RIT2: variants seen among roughly 807,000 people sequenced by gnomAD.
RIT2 encodes the protein Ras like without CAAX 2.
In RIT2, 24 loss-of-function variants were observed where a neutral mutation model predicts 23.7. That is an observed-to-expected ratio of 1.01 (90% CI 0.73 to 1.43). The LOEUF (loss-of-function observed/expected upper bound fraction) is 1.43, where lower values mean the gene tolerates loss of function less well. Ranked by LOEUF, RIT2 falls within the 40% of genes most tolerant of loss-of-function variation. RIT2 has a pLI of 0.00. For synonymous variants in RIT2, 107 were observed against 91.1 expected (o/e 1.17, Z -0.99); for missense variants, 236 against 266.9 (o/e 0.88, Z 0.81).
At position 42,999,701 on chromosome 18, in the gene RIT2, A is replaced by C. The variant is rs190946079; in HGVS notation, c.161-25554T>G. ...ATTGAGGATTTTATCAGGACACTTGAAGGTTTTAATTTCATGATTTTCAAA... is the reference window on the plus strand; with the variant it reads ...ATTGAGGATTTTATCAGGACACTTGCAGGTTTTAATTTCATGATTTTCAAA... On this transcript the variant is annotated intron_variant, in intron 2 of 4. Coordinates refer to ENST00000326695, the MANE Select transcript of RIT2 (RefSeq NM_002930.4). Among the ~76,000 whole-genome samples the C allele has an allele frequency of 3.4e-4, 51 of 152,184 alleles. 1 individual carries two copies. The highest frequency in any genetic ancestry group is 2.5e-3 in the Admixed American group (38 of 15,274).
intron 2 of RIT2, among the ~76,000 whole-genome samples, chr18:42,993,544 A>C (rs910419396): frequency 6.6e-6 from 1 of 152,082 alleles, no homozygotes; most frequent in Non-Finnish European, 1.5e-5. Flanking sequence ...CAGGCTTCTA[A>C]ACTTCTTAAA....
intron 1 of RIT2, among the ~76,000 whole-genome samples, chr18:43,100,584 G>A (rs765268069): frequency 3.9e-5 from 6 of 152,192 alleles, no homozygotes; most frequent in African/African-American, 1.2e-4. Context: ...ATAGATACAG[G>A]AAAAAGAGGA....
At chr18:42,973,407 T>G (rs1223917869) in intron 3 of RIT2, among the ~76,000 whole-genome samples, 1 of 151,906 alleles carries the variant, frequency 6.6e-6, no homozygotes. Flanking sequence ...ATATATGAGT[T>G]TATATTTTTA....
intron 1 of RIT2, among the ~76,000 whole-genome samples, chr18:43,035,422 C>T (rs1291058823): frequency 6.6e-6 from 1 of 152,104 alleles, no homozygotes; most frequent in Non-Finnish European, 1.5e-5. Flanking sequence ...AAATGCTTTT[C>T]CTGAGTTTTA....
intron 3 of RIT2, among the ~76,000 whole-genome samples, chr18:42,952,525 T>G (rs1285975838): frequency 6.6e-6 from 1 of 152,032 alleles, no homozygotes; most frequent in African/African-American, 2.4e-5. Context: ...AGGGTAAATT[T>G]TACATTAAGT....
chr18:42,801,440 C>G (rs549279173), intron 4 of RIT2, among the ~76,000 whole-genome samples: 3 of 152,310 alleles, frequency 2.0e-5, no homozygotes, highest in African/African-American at 7.2e-5. Flanking sequence ...TGAAGTCTAA[C>G]TGGAAATACC....
Position 42,836,456 on chromosome 18 carries a change from G to A in RIT2, c.426+87116C>T, listed in dbSNP as rs1361383448. 4.6e-5 allele frequency among the ~76,000 whole-genome samples: 7 copies of A among 152,018 alleles called. No homozygotes were observed. In the South Asian group the frequency reaches 6.2e-4, roughly 14 times the overall value. On this transcript the variant is annotated intron_variant, in intron 4 of 4. Coordinates refer to ENST00000326695, the MANE Select transcript of RIT2 (RefSeq NM_002930.4). ...ACTAGAAAGCAGCATGAAAGCCTTG[G>A]ACATTGAAGACCAGAAGGCAAGAAA...
chr18:42,756,129 G>T (rs1435967881), intron 4 of RIT2, among the ~76,000 whole-genome samples: 2 of 152,060 alleles, frequency 1.3e-5, no homozygotes, highest in African/African-American at 4.8e-5. Flanking sequence ...ACAATCAGAG[G>T]CAATTAGTGA....
rs533063275 is a variant in RIT2 at position 42,992,654 on chromosome 18, G to A, written c.161-18507C>T. 2.6e-4 allele frequency among the ~76,000 whole-genome samples: 40 copies of A among 152,066 alleles called. No individual in the cohort carries two copies. In the South Asian group the frequency reaches 5.0e-3, roughly 19 times the overall value. On this transcript the variant is annotated intron_variant, in intron 2 of 4. Coordinates refer to ENST00000326695, the MANE Select transcript of RIT2 (RefSeq NM_002930.4). Reference sequence around the variant, plus strand: ...CCAGTCTGGCTTACAGTTTCATTCCGCAACTAGCTTTCCCCCACCTGCCCA... The same window carrying A: ...CCAGTCTGGCTTACAGTTTCATTCCACAACTAGCTTTCCCCCACCTGCCCA...
chr18:42,761,825 G>A (rs1913310567), intron 4 of RIT2, among the ~76,000 whole-genome samples: 1 of 152,164 alleles, frequency 6.6e-6, no homozygotes, highest in African/African-American at 2.4e-5. Context: ...TTACAGGAAT[G>A]CACCTTCTTG....
At chr18:43,114,359 C>T (rs1345524140) in intron 1 of RIT2, among the ~76,000 whole-genome samples, 1 of 152,100 alleles carries the variant, frequency 6.6e-6, no homozygotes, top group African/African-American at 2.4e-5. Flanking sequence ...TCTTCCTTTA[C>T]TGTTCAGTTT....
chr18:42,964,083 T>C (rs1227053969), intron 3 of RIT2, among the ~76,000 whole-genome samples: 2 of 149,848 alleles, frequency 1.3e-5, no homozygotes, highest in South Asian at 2.1e-4. Flanking sequence ...TTCAGCTACT[T>C]GGGAGGATGA....
chr18:43,057,749 A>C (rs938438365), intron 1 of RIT2, among the ~76,000 whole-genome samples: 1 of 150,238 alleles, frequency 6.7e-6, no homozygotes, highest in Non-Finnish European at 1.5e-5. Flanking sequence ...GGGGCAGCAG[A>C]TATTAATATT....
chr18:42,795,469 C>T (rs565136436), intron 4 of RIT2, among the ~76,000 whole-genome samples: 21 of 152,336 alleles, frequency 1.4e-4, no homozygotes, highest in African/African-American at 3.8e-4. Context: ...TGCCTTCCCG[C>T]GGGGCAGGGC....
At chr18:43,067,286 G>A (rs181619331) in intron 1 of RIT2, among the ~76,000 whole-genome samples, 3 of 152,158 alleles carry the variant, frequency 2.0e-5, no homozygotes, top group South Asian at 4.1e-4. Context: ...AAACAAGAAC[G>A]TTGACAAAAG....
intron 2 of RIT2, among the ~76,000 whole-genome samples, chr18:43,009,975 T>C (rs1911315143): frequency 1.3e-5 from 2 of 151,798 alleles, no homozygotes; most frequent in Non-Finnish European, 2.9e-5. Context: ...TCCCAGCTAG[T>C]GCCAAATGAT....
intron 1 of RIT2, among the ~76,000 whole-genome samples, chr18:43,037,450 T>C (rs1912006832): frequency 6.6e-6 from 1 of 152,212 alleles, no homozygotes; most frequent in South Asian, 2.1e-4. Context: ...GAATTTACAA[T>C]CGTAAATCAC....
chr18:42,776,083 G>A (rs935468126), intron 4 of RIT2, among the ~76,000 whole-genome samples: 6 of 152,176 alleles, frequency 3.9e-5, no homozygotes, highest in Admixed American at 3.3e-4. Flanking sequence ...TTTGGCTCAA[G>A]AGTATAACAG....
chr18:42,876,348 C>CTT (rs200902270), intron 4 of RIT2, among the ~76,000 whole-genome samples: 12 of 139,864 alleles, frequency 8.6e-5, no homozygotes, highest in East Asian at 2.1e-4. Context: ...GTGCCTGAAA[C>CTT]TTTTTTTTTT....
Sources: gnomAD v4.1 joint callset for allele counts (sites outside exome capture counted in the v4.1 genomes callset) on GRCh38, gnomAD v4.1.1 for gene constraint, MANE v1.5 for transcripts, NCBI Gene and HGNC (gene_info 2026-07-23, HGNC 2026-07-21) for gene names.